The following IBTK variants were observed in gnomAD, a reference collection of about 807,000 sequenced individuals.
The protein encoded by IBTK is inhibitor of Bruton tyrosine kinase.
IBTK carries 83 observed loss-of-function variants against 154.9 expected under a neutral mutation model. That is an observed-to-expected ratio of 0.54 (90% CI 0.45 to 0.64). The LOEUF is 0.64. Ranked by LOEUF, IBTK falls within the 30% of genes least tolerant of loss-of-function variation. The pLI is 0.00. For missense variants in IBTK, 1,332 were observed against 1,584.6 expected (o/e 0.84, Z 2.71); for synonymous variants, 515 against 536.1 (o/e 0.96, Z 0.54).
At chr6:82,233,615 C>A (rs1299046091) in intron 3 of IBTK, among the ~76,000 whole-genome samples, 1 of 150,666 alleles carries the variant, frequency 6.6e-6, no homozygotes. Context: ...TTGCAGATAG[C>A]CACACACAAA....
At chr6:82,204,566 T>C (rs1769325582) in intron 17 of IBTK, among the ~76,000 whole-genome samples, 1 of 152,180 alleles carries the variant, frequency 6.6e-6, no homozygotes, top group African/African-American at 2.4e-5. Context: ...TTTTAAACTC[T>C]CACCCTTGAA....
At chr6:82,208,557 T>C (rs1769500897) in intron 16 of IBTK, among the ~76,000 whole-genome samples, 1 of 151,788 alleles carries the variant, frequency 6.6e-6, no homozygotes, top group African/African-American at 2.4e-5. Flanking sequence ...GCCTGGGCAA[T>C]ATAGGGAGGC....
intron 16 of IBTK, among the ~76,000 whole-genome samples, chr6:82,208,286 C>T (rs935493455): frequency 3.3e-5 from 5 of 151,860 alleles, no homozygotes; most frequent in African/African-American, 1.2e-4. Context: ...TTGTTAATTA[C>T]ACCTTAATAC....
At chr6:82,201,631 T>C (rs1359756743) in intron 18 of IBTK, 149 bp from the exon 19 acceptor site, 3 of 498,190 alleles carry the variant, frequency 6.0e-6, no homozygotes, top group African/African-American at 6.0e-5. Context: ...AAATTCCTTT[T>C]GGAAATAGAT....
chr6:82,195,670 C>T (rs1768956742), intron 22 of IBTK, among the ~76,000 whole-genome samples: 1 of 152,060 alleles, frequency 6.6e-6, no homozygotes. Flanking sequence ...CTAGAAGTTC[C>T]GATACGTTTT....
chr6:82,185,866 T>C (rs1768534323), intron 25 of IBTK, among the ~76,000 whole-genome samples: 1 of 152,208 alleles, frequency 6.6e-6, no homozygotes, highest in East Asian at 1.9e-4. Flanking sequence ...TGCTTTGCTT[T>C]GCTGTGCTTC....
At chr6:82,176,422 G>A (rs1768117568) in intron 26 of IBTK, among the ~76,000 whole-genome samples, 1 of 151,088 alleles carries the variant, frequency 6.6e-6, no homozygotes, top group African/African-American at 2.4e-5. Context: ...TGGGGAGGCT[G>A]AGGCTAGAGA....
chr6:82,171,322 T>G lies in IBTK; in HGVS notation c.*103A>C. 1.2e-6 allele frequency: 1 copy of G among 819,276 alleles called. No individual in the cohort carries two copies. The highest frequency in any genetic ancestry group is 2.7e-5 in the Admixed American group (1 of 36,670). The allele number at this position is 819,276 out of a possible 1,614,324, so 50.8% of individuals were successfully genotyped here. On this transcript the variant is annotated 3_prime_UTR_variant, in exon 29 of 29. Coordinates refer to ENST00000306270, the MANE Select transcript of IBTK (RefSeq NM_015525.4). ...AAAGAAATTATATCTTTTCTTAATC[T>G]ATTTAGAATGATATTACAAAATCTC...
At chr6:82,225,378 GAAATA>G (rs1246969039) in intron 6 of IBTK, 94 bp downstream of exon 6, 4 of 788,104 alleles carry the variant, frequency 5.1e-6, no homozygotes, top group African/African-American at 3.6e-5. Flanking sequence ...TTAAATAACA[GAAATA>G]AAATAAGTTG....
At chr6:82,185,851 T>C (rs1002888493) in intron 25 of IBTK, among the ~76,000 whole-genome samples, 1 of 152,190 alleles carries the variant, frequency 6.6e-6, no homozygotes, top group Non-Finnish European at 1.5e-5. Flanking sequence ...CAATTTATAC[T>C]GAAGTGCTTT....
At chr6:82,208,801 A>C (rs1296667133) in intron 16 of IBTK, among the ~76,000 whole-genome samples, 2 of 152,172 alleles carry the variant, frequency 1.3e-5, no homozygotes, top group Non-Finnish European at 2.9e-5. Context: ...GGAAGTGAAA[A>C]CAACTCAGAG....
rs532359310 is a variant in IBTK, at chr6:82,202,731, G to A, written c.2612-86C>T. On this transcript the variant is annotated intron_variant, in intron 17 of 28. Coordinates refer to ENST00000306270, the MANE Select transcript of IBTK (RefSeq NM_015525.4). ...AATACATTTATGTCTAAAGCTGTACGATTTGAACATTTGGAATAAAGAAAA... is the reference window on the plus strand; with the variant it reads ...AATACATTTATGTCTAAAGCTGTACAATTTGAACATTTGGAATAAAGAAAA... The A allele has an allele frequency of 1.0e-5, 7 of 692,186 alleles. No individual in the cohort carries two copies. The African/African-American group carries it at 1.1e-4, about 11-fold the overall frequency. 42.9% of individuals were successfully genotyped at this position (692,186 alleles called of 1,614,324 possible). A position where few individuals can be genotyped will look rare whatever the true frequency, so the allele number is the denominator to read the frequency against.
At chr6:82,244,690 C>T (rs1043296087) in intron 1 of IBTK, among the ~76,000 whole-genome samples, 2 of 152,104 alleles carry the variant, frequency 1.3e-5, no homozygotes, top group Admixed American at 1.3e-4. Context: ...ATTTCCAATG[C>T]CTATTGTACT....
At chr6:82,227,856 A>G (rs1371302322) in intron 4 of IBTK, among the ~76,000 whole-genome samples, 1 of 151,744 alleles carries the variant, frequency 6.6e-6, no homozygotes. Context: ...TTAATAAATA[A>G]TTTTATATTT....
intron 21 of IBTK, among the ~76,000 whole-genome samples, chr6:82,199,776 A>C (rs553628902): frequency 6.6e-6 from 1 of 152,262 alleles, no homozygotes; most frequent in Non-Finnish European, 1.5e-5. Flanking sequence ...ATCTGACCCT[A>C]TCCAACCTAT....
chr6:82,246,030 A>G (rs978279922), intron 1 of IBTK, among the ~76,000 whole-genome samples: 7 of 152,210 alleles, frequency 4.6e-5, no homozygotes, highest in African/African-American at 1.7e-4. Context: ...CCCTGTAAAT[A>G]TGATCACTTT....
chr6:82,237,550 T>C (rs1168289411), intron 2 of IBTK, among the ~76,000 whole-genome samples: 26 of 149,328 alleles, frequency 1.7e-4, no homozygotes, highest in African/African-American at 4.2e-4. Flanking sequence ...GTAGTAGTAG[T>C]AGCAGCAGCA....
At chr6:82,185,337 G>A (rs1768508228) in intron 25 of IBTK, among the ~76,000 whole-genome samples, 1 of 151,274 alleles carries the variant, frequency 6.6e-6, no homozygotes, top group Admixed American at 6.6e-5. Context: ...GAGACAAGAG[G>A]ACTGCTGAGC....
intron 3 of IBTK, among the ~76,000 whole-genome samples, chr6:82,232,359 C>T (rs941875958): frequency 8.5e-5 from 13 of 152,182 alleles, no homozygotes; most frequent in African/African-American, 3.1e-4. Flanking sequence ...TGTGATATTA[C>T]TCTTTGTACA....
Sources: gnomAD v4.1 joint callset for allele counts (sites outside exome capture counted in the v4.1 genomes callset) on GRCh38, gnomAD v4.1.1 for gene constraint, MANE v1.5 for transcripts, NCBI Gene and HGNC (gene_info 2026-07-23, HGNC 2026-07-21) for gene names.